The following TNRC18 variants were observed in gnomAD, a reference collection of about 807,000 sequenced individuals.
The protein encoded by TNRC18 is trinucleotide repeat containing 18, also known as trinucleotide repeat-containing gene 18 protein.
Under a neutral mutation model 226.7 loss-of-function variants are expected in TNRC18, and 69 were observed. That is an observed-to-expected ratio of 0.30 (90% confidence interval 0.25 to 0.37). The LOEUF is 0.37. Among genes scored for constraint, TNRC18 ranks in the 10% least tolerant of loss-of-function variants. The pLI, the probability that TNRC18 is intolerant of heterozygous loss-of-function variation, is 1.00. For missense variants in TNRC18, 4,754 were observed against 4,256.6 expected, an observed-to-expected ratio of 1.12 and a Z score of -3.25; for synonymous variants, 2,449 against 1,927.6, an observed-to-expected ratio of 1.27 and a Z score of -7.09.
chr7:5,320,824 G>T (rs1283504078), intron 22 of TNRC18, among the ~76,000 whole-genome samples: 1 of 152,232 alleles, frequency 6.6e-6, no homozygotes, highest in Non-Finnish European at 1.5e-5. Flanking sequence ...GATCCTGAGA[G>T]AGGCCAGCAC....
chr7:5,376,350 C>A (rs1469587087), intron 8 of TNRC18, 126 bp from the exon 9 acceptor site: 3 of 862,762 alleles, frequency 3.5e-6, no homozygotes, highest in East Asian at 2.9e-5. Context: ...TCTCTGCGGG[C>A]CCCCGGCTGC....
At position 5,307,533 on chromosome 7, in the gene TNRC18, C is replaced by G; in HGVS notation, c.*573G>C. ...TGACAGACACTCCGGGCTGCAACCC[C>G]ACCCGGCTCTGTTCCCCAAGTCTAG... is the stretch of plus-strand genomic sequence containing the variant. On this transcript the variant is annotated 3_prime_UTR_variant, in exon 30 of 30. Transcript: ENST00000430969. 2.2e-6 allele frequency: 1 copy of G among 449,452 alleles called. No homozygotes were observed. Among genetic ancestry groups the G allele is most frequent in the East Asian group, 7.1e-5 (1 of 13,992 alleles). The allele number at this position is 449,452 out of a possible 1,614,324, so 27.8% of individuals were successfully genotyped here. A position where few individuals can be genotyped will look rare whatever the true frequency, so the allele number is the denominator to read the frequency against.
Position 5,362,720 on chromosome 7 carries a change from T to C in TNRC18, c.4325A>G (p.Lys1442Arg), listed in dbSNP as rs745733614. The C allele has an allele frequency of 3.2e-6, 5 of 1,579,400 alleles. No individual in the cohort carries two copies. The highest frequency in any genetic ancestry group is 4.3e-6 in the Non-Finnish European group (5 of 1,163,462). The change falls in exon 12 of 30, where the codon AAG becomes AGG. Residue 1442 changes from lysine to arginine, a missense_variant. Coordinates refer to ENST00000430969, the MANE Select transcript of TNRC18 (RefSeq NM_001080495.3). ...VLDGPVVDPL[K>R]NLRLPRELKP... Reference sequence around the variant, plus strand: ...CAGCTCCCGCGGGAGCCGCAGGTTCTTGAGTGGGTCCACCACGGGCCCATC... The same window carrying C: ...CAGCTCCCGCGGGAGCCGCAGGTTCCTGAGTGGGTCCACCACGGGCCCATC...
intron 19 of TNRC18, among the ~76,000 whole-genome samples, chr7:5,328,147 G>A (rs1789128340): frequency 6.6e-6 from 1 of 152,174 alleles, no homozygotes; most frequent in African/African-American, 2.4e-5. Context: ...GAACCCGGGA[G>A]GCAGAGGTTG....
chr7:5,345,658 C>T lies in TNRC18; in HGVS notation c.5623G>A (p.Ala1875Thr), dbSNP rs1371158255. The T allele has an allele frequency of 2.9e-5, 45 of 1,553,464 alleles. No homozygotes were observed. The highest frequency in any genetic ancestry group is 9.7e-5 in the East Asian group (4 of 41,218). The change falls in exon 18 of 30, where the codon GCC becomes ACC. Residue 1875 changes from alanine (A) to threonine (T), a missense_variant. Coordinates refer to ENST00000430969, the MANE Select transcript of TNRC18 (RefSeq NM_001080495.3). ...GGACCCACCGTGGGGCTGGGGAGGG[C>T]GCTGGCGGCGAAGCGTGCCAGCAGG... ...LGLLARFAAS[A>T]LPSPTVGPSL...
rs143423784 is a variant in TNRC18 at position 5,387,057 on chromosome 7, A to T, written c.2152+615T>A. Among the ~76,000 whole-genome samples, 4 of 152,340 alleles carry T rather than the reference A, an allele frequency of 2.6e-5. No individual in the cohort carries two copies. In the East Asian group the frequency reaches 5.8e-4, roughly 22 times the overall value. On this transcript the variant is annotated intron_variant, in intron 5 of 29. Coordinates refer to ENST00000430969, the MANE Select transcript of TNRC18 (RefSeq NM_001080495.3). ...CCATTGGACTCCAGCCTGGGCAACA[A>T]GAGTGAAACTCCGTTTCAAAAATAA...
At position 5,394,550 on chromosome 7, in the gene TNRC18, G is replaced by A. The variant is rs774043487; in HGVS notation, c.233C>T (p.Ser78Leu). Residue 78 changes from serine to leucine, a missense_variant, in exon 3 of 30, where the codon TCG becomes TTG. Ser to Leu is a moderately radical substitution (Grantham distance 145). Transcript: ENST00000430969. The surrounding 1 kb of genome is among the most constrained non-coding windows in gnomAD (Gnocchi z 4.5). ...CACTGGGCTCCCATGGGACGAGGCCGAGGGCCCCATCCCGCTGGCCACAAA... is the reference window on the plus strand; with the variant it reads ...CACTGGGCTCCCATGGGACGAGGCCAAGGGCCCCATCCCGCTGGCCACAAA... ...GSFVASGMGP[S>L]ASSHGSPVPL... 43 of 1,550,030 alleles carry A rather than the reference G, an allele frequency of 2.8e-5. No homozygotes were observed. Among genetic ancestry groups the A allele is most frequent in the African/African-American group, 5.5e-5 (4 of 72,574 alleles).
intron 9 of TNRC18, 143 bp from the exon 10 acceptor site, chr7:5,374,627 C>T (rs1289034084): frequency 3.3e-5 from 26 of 793,846 alleles, no homozygotes; most frequent in Non-Finnish European, 5.7e-6. Flanking sequence ...CACCCCGTCC[C>T]AGGCCAGAGA....
At chr7:5,403,293 T>TG (rs1781237785) in intron 2 of TNRC18, among the ~76,000 whole-genome samples, 1 of 152,018 alleles carries the variant, frequency 6.6e-6, no homozygotes. Context: ...CCCGAGTAGC[T>TG]GGGATTACAG....
chr7:5,308,112 G>C lies in TNRC18; in HGVS notation c.8901C>G (p.Leu2967=). The change falls in exon 30 of 30, where the codon CTC becomes CTG. Residue 2967 remains leucine, a synonymous_variant. Coordinates refer to ENST00000430969, the MANE Select transcript of TNRC18 (RefSeq NM_001080495.3). ...CCCGCAGGGCCCGGCGGGCTCAGCAGAGCACGGGCACGCCGTCCGTGGAGA... is the reference window on the plus strand; with the variant it reads ...CCCGCAGGGCCCGGCGGGCTCAGCACAGCACGGGCACGCCGTCCGTGGAGA... ...MIFSTDGVPV[L]C The C allele has an allele frequency of 2.6e-6, 4 of 1,550,484 alleles. No individual in the cohort carries two copies. Among genetic ancestry groups the C allele is most frequent in the East Asian group, 2.4e-5 (1 of 41,006 alleles).
rs547497509 is a variant in TNRC18 at position 5,352,852 on chromosome 7, G to C, written c.5195-758C>G. Among the ~76,000 whole-genome samples, 125 of 152,384 alleles carry C rather than the reference G, an allele frequency of 8.2e-4. 2 individuals are homozygous for C. The highest frequency in any genetic ancestry group is 2.3e-3 in the African/African-American group (95 of 41,600). The stretch of plus-strand genomic sequence containing the variant: ...TTGATCTGCTTTTCTTACTGGGCAA[G>C]ATGGGAAGACAGGGGTTCCAGAGAC... On this transcript the variant is annotated intron_variant, in intron 16 of 29. Transcript: ENST00000430969.
At chr7:5,378,903 AG>A (rs1779195992) in intron 5 of TNRC18, among the ~76,000 whole-genome samples, 1 of 143,564 alleles carries the variant, frequency 7.0e-6, no homozygotes, top group Non-Finnish European at 1.5e-5. Context: ...ACACATGGCT[AG>A]CCAGGCGAGG....
intron 17 of TNRC18, among the ~76,000 whole-genome samples, chr7:5,346,885 T>A (rs1027320588): frequency 6.6e-6 from 1 of 152,038 alleles, no homozygotes; most frequent in African/African-American, 2.4e-5. Flanking sequence ...CCCCGTGACT[T>A]GCAGGCAGGA....
At chr7:5,308,365 G>A in intron 29 of TNRC18, 53 bp from the exon 30 acceptor site, 1 of 1,512,572 alleles carries the variant, frequency 6.6e-7, no homozygotes. Context: ...AGAGGCCGAG[G>A]GAGCCCCAGG....
At chr7:5,352,896 C>A (rs749935631) in intron 16 of TNRC18, among the ~76,000 whole-genome samples, 5 of 152,266 alleles carry the variant, frequency 3.3e-5, no homozygotes, top group Non-Finnish European at 5.9e-5. Context: ...ATCCCCTGAT[C>A]TGCTGAAATC....
intron 17 of TNRC18, among the ~76,000 whole-genome samples, chr7:5,347,495 C>T (rs551846494): frequency 8.4e-4 from 127 of 151,806 alleles, no homozygotes; most frequent in Middle Eastern, 6.8e-3. Flanking sequence ...CACACCCAGC[C>T]CCCCCGCAAA....
chr7:5,412,365 C>A (rs1430266352), intron 2 of TNRC18, among the ~76,000 whole-genome samples: 1 of 151,898 alleles, frequency 6.6e-6, no homozygotes, highest in African/African-American at 2.4e-5. Flanking sequence ...CACCTGAAGT[C>A]ATGAGTTTGA....
intron 2 of TNRC18, among the ~76,000 whole-genome samples, chr7:5,405,982 C>T (rs1037672178): frequency 6.6e-6 from 1 of 152,194 alleles, no homozygotes; most frequent in Admixed American, 6.5e-5. Context: ...TTCATAGCAG[C>T]ACTATTCACA....
Position 5,388,555 on chromosome 7 carries a change from G to T in TNRC18, c.1269C>A (p.Pro423=). Residue 423 remains proline, a synonymous_variant, in exon 5 of 30, where the codon CCC becomes CCA. Coordinates refer to ENST00000430969, the MANE Select transcript of TNRC18 (RefSeq NM_001080495.3). ...CCGAGTTCTTCTCGCGCAGGCCCTC[G>T]GGCCGGTCCAGAGGCCGCGGGGAGC... is the stretch of plus-strand genomic sequence containing the variant. ...PPGSPRPLDR[P]EGLREKNSVI... is the part of the protein sequence containing the mutation. 7.6e-7 allele frequency: 1 copy of T among 1,312,018 alleles called. No homozygotes were observed. The highest frequency in any genetic ancestry group is 9.7e-7 in the Non-Finnish European group (1 of 1,033,406). 81.3% of individuals were successfully genotyped at this position (1,312,018 alleles called of 1,614,324 possible).
Sources: allele counts gnomAD v4.1 joint callset (sites outside exome capture counted in the v4.1 genomes callset), GRCh38; gene constraint gnomAD v4.1.1; non-coding constraint Gnocchi (gnomAD v3.1); transcripts MANE v1.5; gene names NCBI Gene and HGNC (gene_info 2026-07-23, HGNC 2026-07-21).